SEC24A: variants seen among roughly 807,000 people sequenced by gnomAD.
The protein encoded by SEC24A is SEC24 homolog A, COPII component.
In SEC24A, 93 loss-of-function variants were observed where a neutral mutation model predicts 129.4. That is an observed-to-expected ratio of 0.72 (90% confidence interval 0.61 to 0.85). The LOEUF (loss-of-function observed/expected upper bound fraction) is 0.85. SEC24A is among the 40% of genes least tolerant of loss of function. The pLI is 0.00. For missense variants in SEC24A, 1,264 were observed against 1,307.4 expected, an observed-to-expected ratio of 0.97 and a Z score of 0.51; for synonymous variants, 460 against 467.3, an observed-to-expected ratio of 0.98 and a Z score of 0.20.
At chr5:134,650,139 T>C in intron 1 of SEC24A, among the ~76,000 whole-genome samples, 1 of 152,166 alleles carries the variant, frequency 6.6e-6, no homozygotes, top group Non-Finnish European at 1.5e-5. Context: ...CAAAGATGGC[T>C]CTAAAAGACT....
chr5:134,671,166 C>T (rs1750844192), intron 3 of SEC24A, among the ~76,000 whole-genome samples: 1 of 152,046 alleles, frequency 6.6e-6, no homozygotes, highest in Non-Finnish European at 1.5e-5. Flanking sequence ...GTCTCAGCCT[C>T]CCGAGTAGCT....
At chr5:134,692,967 G>A in intron 12 of SEC24A, 2 of 1,320,170 alleles carry the variant, frequency 1.5e-6, no homozygotes, top group African/African-American at 2.9e-5. Context: ...TAAAGCTTCT[G>A]GTCACTACAT....
intron 11 of SEC24A, 132 bp downstream of exon 11, chr5:134,688,431 T>C: frequency 1.6e-6 from 1 of 631,644 alleles, no homozygotes; most frequent in East Asian, 2.8e-5. Flanking sequence ...ATTGTTGGAG[T>C]TGTAAGAGTC....
At chr5:134,702,505 T>G (rs537021427) in intron 15 of SEC24A, among the ~76,000 whole-genome samples, 38 of 152,328 alleles carry the variant, frequency 2.5e-4, no homozygotes, top group Non-Finnish European at 4.9e-4. Flanking sequence ...GTATCAGAAT[T>G]TCTTATTAAA....
At chr5:134,649,715 A>G (rs1313607158) in intron 1 of SEC24A, among the ~76,000 whole-genome samples, 2 of 152,148 alleles carry the variant, frequency 1.3e-5, no homozygotes, top group Non-Finnish European at 2.9e-5. Context: ...GGAAAAACCA[A>G]ATAGAAGGGA....
intron 3 of SEC24A, among the ~76,000 whole-genome samples, chr5:134,667,933 G>C (rs1046803551): frequency 2.0e-5 from 3 of 152,076 alleles, no homozygotes; most frequent in African/African-American, 7.2e-5. Context: ...TTGATTTTAG[G>C]CTGGGCACAG....
At chr5:134,714,955 C>G in intron 18 of SEC24A, 69 bp from the exon 19 acceptor site, 1 of 1,411,334 alleles carries the variant, frequency 7.1e-7, no homozygotes, top group African/African-American at 1.5e-5. Flanking sequence ...TAACAACTGG[C>G]ATTTTAAAAG....
chr5:134,657,608 A>G (rs1286489723), intron 1 of SEC24A, among the ~76,000 whole-genome samples: 1 of 151,540 alleles, frequency 6.6e-6, no homozygotes, highest in Non-Finnish European at 1.5e-5. Flanking sequence ...ACAGGTTCTC[A>G]CTCTGTTGCC....
chr5:134,726,973 T>G lies in SEC24A; in HGVS notation c.*1879T>G, dbSNP rs755635772. On this transcript the variant is annotated 3_prime_UTR_variant, in exon 23 of 23. Coordinates refer to ENST00000398844, the MANE Select transcript of SEC24A (RefSeq NM_021982.3). ...CACAAATTTACTTTTAAATATTATT[T>G]TAGATACGGTGTAACATGTGCAATT... 6.6e-6 allele frequency: 1 copy of G among 152,450 alleles called. No individual in the cohort carries two copies. The highest frequency in any genetic ancestry group is 1.5e-5 in the Non-Finnish European group (1 of 67,978). 9.4% of individuals were successfully genotyped at this position (152,450 alleles called of 1,614,324 possible). A position where few individuals can be genotyped will look rare whatever the true frequency, so the allele number is the denominator to read the frequency against.
At chr5:134,661,095 A>C (rs756232958) in intron 1 of SEC24A, 24 bp from the exon 2 acceptor site, 1 of 1,519,302 alleles carries the variant, frequency 6.6e-7, no homozygotes, top group East Asian at 2.3e-5. Context: ...TGGTAAGACT[A>C]ATTTTTCCTC....
Position 134,703,767 on chromosome 5 carries a change from A to G in SEC24A, c.2275A>G (p.Ile759Val), listed in dbSNP as rs1275740887. ...ACCTTTTTCTCTTCTAGGTCTTTCC[A>G]TTCATACTTTCCATGGAAACTTCTT... ...MRIRCTKGLS[I>V]HTFHGNFFVR... Residue 759 changes from isoleucine (I) to valine (V), a missense_variant, in exon 16 of 23, where the codon ATT (isoleucine) becomes GTT (valine). Physicochemically the swap from Ile to Val is conservative, Grantham distance 29 (BLOSUM62 3). Transcript: ENST00000398844. 1 of 1,609,550 alleles carries G rather than the reference A, an allele frequency of 6.2e-7. No homozygotes were observed. Among genetic ancestry groups the G allele is most frequent in the Non-Finnish European group, 8.5e-7 (1 of 1,176,110 alleles).
At chr5:134,708,559 T>C (rs1373065491) in intron 17 of SEC24A, among the ~76,000 whole-genome samples, 154 bp from the exon 18 acceptor site, 1 of 151,394 alleles carries the variant, frequency 6.6e-6, no homozygotes, top group Non-Finnish European at 1.5e-5. Flanking sequence ...CTCCAGACCA[T>C]GCTTTTAGCT....
chr5:134,689,529 G>A (rs756915962), intron 11 of SEC24A, among the ~76,000 whole-genome samples: 2 of 152,288 alleles, frequency 1.3e-5, no homozygotes, highest in East Asian at 1.9e-4. Flanking sequence ...TCAGGAGGCC[G>A]AGGCGGGTGG....
At chr5:134,713,132 C>G (rs934375225) in intron 18 of SEC24A, among the ~76,000 whole-genome samples, 8 of 151,494 alleles carry the variant, frequency 5.3e-5, no homozygotes, top group Admixed American at 6.6e-5. Flanking sequence ...GGGGTTTCAC[C>G]GTGTTAGCCA....
chr5:134,666,691 C>A, intron 2 of SEC24A, 132 bp from the exon 3 acceptor site: 2 of 679,822 alleles, frequency 2.9e-6, no homozygotes, highest in Non-Finnish European at 5.0e-6. Flanking sequence ...AGGAAGTTAA[C>A]ATGTTTCTGG....
At chr5:134,690,462 C>G (rs544125523) in intron 11 of SEC24A, among the ~76,000 whole-genome samples, 6 of 151,300 alleles carry the variant, frequency 4.0e-5, no homozygotes, top group African/African-American at 1.2e-4. Flanking sequence ...TACAGGCACA[C>G]GCTACCACGC....
chr5:134,696,183 T>C (rs1374605360), intron 13 of SEC24A, among the ~76,000 whole-genome samples: 2 of 151,118 alleles, frequency 1.3e-5, no homozygotes, highest in Non-Finnish European at 2.9e-5. Flanking sequence ...GGCAGGAGAA[T>C]CGCTAGAAAC....
At chr5:134,689,986 G>A (rs905678113) in intron 11 of SEC24A, among the ~76,000 whole-genome samples, 2 of 152,052 alleles carry the variant, frequency 1.3e-5, no homozygotes, top group South Asian at 2.1e-4. Flanking sequence ...AGGGGCTGGG[G>A]GGGGAGGGCG....
rs1297899095 is a variant in SEC24A, at chr5:134,685,379, ATAAT to A, written c.1492-1410_1492-1407del. On this transcript the variant is annotated intron_variant, in intron 9 of 22. Transcript: ENST00000398844. ...ACACCTTCTCTCTAAAAAAAAAAAA[ATAAT>A]AATACAAATTTTAATATACAGTATA... 9.3e-5 allele frequency among the ~76,000 whole-genome samples: 11 copies of A among 118,058 alleles called. No homozygotes were observed. The East Asian group carries it at 2.2e-3, about 23-fold the overall frequency. 77.5% of individuals were successfully genotyped at this position (118,058 alleles called of 152,430 possible).
Sources: gnomAD v4.1 joint callset for allele counts (sites outside exome capture counted in the v4.1 genomes callset) on GRCh38, gnomAD v4.1.1 for gene constraint, MANE v1.5 for transcripts, NCBI Gene and HGNC (gene_info 2026-07-23, HGNC 2026-07-21) for gene names.